BNC2: variants seen among roughly 807,000 people sequenced by gnomAD.
The protein encoded by BNC2 is basonuclin zinc finger protein 2.
In BNC2, 20 loss-of-function variants were observed where a neutral mutation model predicts 76.3. The ratio of observed to expected loss-of-function variants is 0.26; its 90% CI spans 0.18 to 0.38. The LOEUF is 0.38. Among genes scored for constraint, BNC2 ranks in the 10% least tolerant of loss-of-function variants. BNC2 has a pLI of 1.00. For missense variants in BNC2, 1,382 were observed against 1,399.8 expected, an observed-to-expected ratio of 0.99 and a Z score of 0.20; for synonymous variants, 582 against 514.8, an observed-to-expected ratio of 1.13 and a Z score of -1.77.
chr9:16,644,660 G>C (rs1479771014), intron 3 of BNC2, among the ~76,000 whole-genome samples: 1 of 152,080 alleles, frequency 6.6e-6, no homozygotes, highest in Non-Finnish European at 1.5e-5. Flanking sequence ...GATGTAATCA[G>C]TGGCATAAGA....
intron 3 of BNC2, among the ~76,000 whole-genome samples, chr9:16,718,691 A>T (rs1417047360): frequency 6.6e-6 from 1 of 152,222 alleles, no homozygotes; most frequent in Admixed American, 6.5e-5. Flanking sequence ...TAGTCAAGAA[A>T]GGAAAAAGGC....
intron 5 of BNC2, among the ~76,000 whole-genome samples, chr9:16,468,464 C>T (rs537771466): frequency 3.9e-5 from 6 of 151,944 alleles, no homozygotes; most frequent in South Asian, 2.1e-4. Flanking sequence ...GGCATGATCT[C>T]GGCTCACTGC....
intron 1 of BNC2, among the ~76,000 whole-genome samples, chr9:16,799,843 T>A (rs1817739668): frequency 6.6e-6 from 1 of 152,194 alleles, no homozygotes; most frequent in African/African-American, 2.4e-5. Context: ...AGAACTTTTT[T>A]ACCTTCCAAA....
At chr9:16,525,646 C>T (rs913341578) in intron 5 of BNC2, among the ~76,000 whole-genome samples, 1 of 152,166 alleles carries the variant, frequency 6.6e-6, no homozygotes, top group African/African-American at 2.4e-5. Flanking sequence ...AATTACGATA[C>T]ATCCATACAA....
chr9:16,716,316 T>C (rs1430479694), intron 3 of BNC2, among the ~76,000 whole-genome samples: 1 of 152,218 alleles, frequency 6.6e-6, no homozygotes, highest in African/African-American at 2.4e-5. Flanking sequence ...TATGCCACCA[T>C]CTGACATTTA....
chr9:16,851,064 T>C (rs1002465192), intron 1 of BNC2, among the ~76,000 whole-genome samples: 3 of 152,204 alleles, frequency 2.0e-5, no homozygotes, highest in Admixed American at 2.0e-4. Flanking sequence ...AATACTTATT[T>C]GTAACTGCTT....
At chr9:16,535,192 A>G (rs1162978757) in intron 5 of BNC2, among the ~76,000 whole-genome samples, 1 of 152,214 alleles carries the variant, frequency 6.6e-6, no homozygotes, top group Non-Finnish European at 1.5e-5. Flanking sequence ...CGTTGCCCAT[A>G]TGTTTTTAAA....
At chr9:16,698,011 G>A (rs1177500701) in intron 3 of BNC2, among the ~76,000 whole-genome samples, 1 of 152,098 alleles carries the variant, frequency 6.6e-6, no homozygotes, top group Non-Finnish European at 1.5e-5. Context: ...GTCCAGGGTA[G>A]GCAAACAAGC....
chr9:16,478,068 G>T (rs1453970139), intron 5 of BNC2, among the ~76,000 whole-genome samples: 1 of 152,168 alleles, frequency 6.6e-6, no homozygotes, highest in Non-Finnish European at 1.5e-5. Context: ...GCTCATCACA[G>T]TCTGAGGTAG....
At chr9:16,443,763 G>A (rs549615441) in intron 5 of BNC2, among the ~76,000 whole-genome samples, 6 of 152,142 alleles carry the variant, frequency 3.9e-5, no homozygotes, top group Non-Finnish European at 5.9e-5. Flanking sequence ...ATACGCTACT[G>A]TTCCAAGCAT....
Position 16,415,933 on chromosome 9 carries a change from C to CT in BNC2, c.*3055dup, listed in dbSNP as rs1820576401. 1 of 152,146 alleles carries CT rather than the reference C, an allele frequency of 6.6e-6. No individual in the cohort carries two copies. Among genetic ancestry groups the CT allele is most frequent in the Admixed American group, 6.5e-5 (1 of 15,274 alleles). The allele number at this position is 152,146 out of a possible 1,614,324, so 9.4% of individuals were successfully genotyped here. A position where few individuals can be genotyped will look rare whatever the true frequency, so the allele number is the denominator to read the frequency against. On this transcript the variant is annotated 3_prime_UTR_variant, in exon 7 of 7. Coordinates refer to ENST00000380672, the MANE Select transcript of BNC2 (RefSeq NM_017637.6). ...CTGTCCAGGACTTATTGCCACTTCT[C>CT]TGACAAAACACAGGTGAACACATTC...
chr9:16,515,290 C>T (rs1191386946), intron 5 of BNC2, among the ~76,000 whole-genome samples: 1 of 152,210 alleles, frequency 6.6e-6, no homozygotes, highest in Non-Finnish European at 1.5e-5. Flanking sequence ...CTGAACACTG[C>T]ATCCCTGCGC....
At chr9:16,442,185 G>A (rs1233512273) in intron 5 of BNC2, among the ~76,000 whole-genome samples, 2 of 152,208 alleles carry the variant, frequency 1.3e-5, no homozygotes, top group Non-Finnish European at 1.5e-5. Flanking sequence ...ATTATCATAA[G>A]TGTTGATTTC....
At chr9:16,492,614 G>C (rs564483513) in intron 5 of BNC2, among the ~76,000 whole-genome samples, 1 of 152,128 alleles carries the variant, frequency 6.6e-6, no homozygotes, top group South Asian at 2.1e-4. Flanking sequence ...TGTGATGTAT[G>C]GTCCACTGAG....
chr9:16,543,105 G>T (rs905490953), intron 5 of BNC2, among the ~76,000 whole-genome samples: 1 of 152,132 alleles, frequency 6.6e-6, no homozygotes, highest in African/African-American at 2.4e-5. Context: ...GCAACTGGAA[G>T]ACTCATAAAG....
intron 5 of BNC2, among the ~76,000 whole-genome samples, chr9:16,510,756 G>A (rs995911866): frequency 6.6e-6 from 1 of 152,168 alleles, no homozygotes; most frequent in African/African-American, 2.4e-5. Context: ...TTTTATCACT[G>A]AGTGATGGAT....
At position 16,612,371 on chromosome 9, in the gene BNC2, C is replaced by T. The variant is rs567948542; in HGVS notation, c.331-29286G>A. 3.9e-5 allele frequency among the ~76,000 whole-genome samples: 6 copies of T among 152,288 alleles called. No individual in the cohort carries two copies. In the South Asian group the frequency reaches 1.2e-3, roughly 32 times the overall value. ...CATGAAACAGTCTCACACACCCACC[C>T]CTTCCCCAGCCACTTTCTCATACCA... On this transcript the variant is annotated intron_variant, in intron 3 of 6. Coordinates refer to ENST00000380672, the MANE Select transcript of BNC2 (RefSeq NM_017637.6).
At position 16,663,128 on chromosome 9, in the gene BNC2, C is replaced by CTTTTTTTTTTTTTTTTT. The variant is rs1220327938; in HGVS notation, c.330+64668_330+64669insAAAAAAAAAAAAAAAAA. ...ATCCATAGGCACTCCACTCTGTTTA[C>CTTTTTTTTTTTTTTTTT]TCTTTTTTTTTTTTTTTTGGAGACG... On this transcript the variant is annotated intron_variant, in intron 3 of 6. Transcript: ENST00000380672. 7.4e-4 allele frequency among the ~76,000 whole-genome samples: 38 copies of CTTTTTTTTTTTTTTTTT among 51,670 alleles called. 3 individuals carry two copies. Among genetic ancestry groups the CTTTTTTTTTTTTTTTTT allele is most frequent in the African/African-American group, 2.5e-3 (37 of 14,586 alleles). The allele number at this position is 51,670 out of a possible 152,430, so 33.9% of individuals were successfully genotyped here.
At chr9:16,523,426 G>C (rs1274214762) in intron 5 of BNC2, among the ~76,000 whole-genome samples, 1 of 149,918 alleles carries the variant, frequency 6.7e-6, no homozygotes, top group Non-Finnish European at 1.5e-5. Flanking sequence ...AGCCGAGATA[G>C]CGCCACTGCA....
Sources: gnomAD v4.1 joint callset for allele counts (sites outside exome capture counted in the v4.1 genomes callset) on GRCh38, gnomAD v4.1.1 for gene constraint, MANE v1.5 for transcripts, NCBI Gene and HGNC (gene_info 2026-07-23, HGNC 2026-07-21) for gene names.